The following VRK2 variants were observed in gnomAD, a reference collection of about 807,000 sequenced individuals.
VRK2 encodes the protein serine/threonine-protein kinase VRK2.
VRK2 carries 60 observed loss-of-function variants against 57.6 expected under a neutral mutation model. The observed-to-expected ratio is 1.04, with a 90% CI of 0.85 to 1.29. The LOEUF is 1.29. Among genes scored for constraint, VRK2 ranks in the 50% most tolerant of loss-of-function variants. The pLI is 0.00. For synonymous variants in VRK2, 231 were observed against 199.2 expected (o/e 1.16, Z -1.35); for missense variants, 705 against 588.1 (o/e 1.20, Z -2.06).
At chr2:58,144,224 G>GT (rs1490028915) in intron 11 of VRK2, among the ~76,000 whole-genome samples, 1 of 151,876 alleles carries the variant, frequency 6.6e-6, no homozygotes, top group African/African-American at 2.4e-5. Flanking sequence ...GCATAGAACA[G>GT]TATTTGTCGG....
At chr2:58,121,094 T>G (rs909000803) in intron 7 of VRK2, among the ~76,000 whole-genome samples, 1 of 152,200 alleles carries the variant, frequency 6.6e-6, no homozygotes. Context: ...CCTGACTTCA[T>G]TTTACTACAC....
At chr2:58,087,739 A>G (rs1671830823) in intron 5 of VRK2, among the ~76,000 whole-genome samples, 1 of 152,238 alleles carries the variant, frequency 6.6e-6, no homozygotes, top group Admixed American at 6.5e-5. Flanking sequence ...CTGTAATCCC[A>G]GCACTTTGAG....
chr2:58,101,560 T>C (rs1365131465), intron 7 of VRK2, among the ~76,000 whole-genome samples: 1 of 151,730 alleles, frequency 6.6e-6, no homozygotes, highest in Non-Finnish European at 1.5e-5. Context: ...TTATTCTAAT[T>C]GTACTTAAGC....
At chr2:58,101,212 T>C (rs1673910439) in intron 7 of VRK2, among the ~76,000 whole-genome samples, 1 of 151,748 alleles carries the variant, frequency 6.6e-6, no homozygotes, top group Admixed American at 6.6e-5. Flanking sequence ...AGCTGTTACA[T>C]ATATAATTTT....
chr2:58,147,471 A>G (rs1162243422), intron 12 of VRK2, among the ~76,000 whole-genome samples: 4 of 151,940 alleles, frequency 2.6e-5, no homozygotes, highest in African/African-American at 9.7e-5. Context: ...CAAAACTTAG[A>G]GATTCTAAAA....
intron 7 of VRK2, among the ~76,000 whole-genome samples, chr2:58,108,139 T>G (rs953977465): frequency 6.6e-6 from 1 of 152,116 alleles, no homozygotes; most frequent in African/African-American, 2.4e-5. Context: ...TTACCAAATC[T>G]CTCCTTCCTC....
At chr2:58,083,592 G>A (rs758450519) in intron 2 of VRK2, among the ~76,000 whole-genome samples, 50 of 151,856 alleles carry the variant, frequency 3.3e-4, no homozygotes, top group Non-Finnish European at 3.2e-4. Flanking sequence ...GCTTGTTCTA[G>A]AATTTTGTCA....
rs1682169476 is a variant in VRK2 at position 58,146,537 on chromosome 2, G to T, written c.1182+63G>T. On this transcript the variant is annotated intron_variant, in intron 12 of 12. Transcript: ENST00000340157. ...TGTTACATTAGAATATGCCCTTTGG[G>T]AATAAAAACATCTTATTTTCTCCTG... 19 of 1,515,544 alleles carry T rather than the reference G, an allele frequency of 1.3e-5. No individual in the cohort carries two copies. Among genetic ancestry groups the T allele is most frequent in the East Asian group, 7.2e-5 (3 of 41,876 alleles). 93.9% of individuals were successfully genotyped at this position (1,515,544 alleles called of 1,614,324 possible). A position where few individuals can be genotyped will look rare whatever the true frequency, so the allele number is the denominator to read the frequency against.
intron 1 of VRK2, among the ~76,000 whole-genome samples, chr2:57,937,258 T>C (rs1218084145): frequency 1.3e-5 from 2 of 152,174 alleles, no homozygotes; most frequent in Non-Finnish European, 2.9e-5. Flanking sequence ...TTTTTTGAGT[T>C]CAGGGTCTTT....
intron 1 of VRK2, among the ~76,000 whole-genome samples, chr2:57,925,081 T>C (rs1041105000): frequency 6.6e-6 from 1 of 152,114 alleles, no homozygotes; most frequent in African/African-American, 2.4e-5. Flanking sequence ...TGATTAGTGA[T>C]CTTTTTAATG....
chr2:58,144,215 C>T (rs1681774128), intron 11 of VRK2, among the ~76,000 whole-genome samples: 1 of 151,734 alleles, frequency 6.6e-6, no homozygotes, highest in South Asian at 2.1e-4. Context: ...GAAAGCAGAG[C>T]ATAGAACAGT....
chr2:57,937,238 G>C (rs1192121612), intron 1 of VRK2, among the ~76,000 whole-genome samples: 1 of 152,050 alleles, frequency 6.6e-6, no homozygotes, highest in Non-Finnish European at 1.5e-5. Flanking sequence ...TGGGGACCTA[G>C]GATACCCCAT....
intron 2 of VRK2, among the ~76,000 whole-genome samples, chr2:58,068,741 C>T (rs374767170): frequency 6.7e-6 from 1 of 148,688 alleles, no homozygotes; most frequent in South Asian, 2.1e-4. Context: ...GGATCATTTT[C>T]CTTTGATCTA....
intron 1 of VRK2, among the ~76,000 whole-genome samples, chr2:57,997,530 G>T (rs773644557): frequency 6.6e-6 from 1 of 152,182 alleles, no homozygotes; most frequent in African/African-American, 2.4e-5. Context: ...AAACATAAGA[G>T]GGACAGGTAT....
At chr2:58,150,548 GT>G (rs1242417116) in intron 12 of VRK2, among the ~76,000 whole-genome samples, 18 of 90,618 alleles carry the variant, frequency 2.0e-4, no homozygotes, top group Middle Eastern at 6.5e-3. Flanking sequence ...ACCAGCTTTG[GT>G]TTTTTTTTTT....
intron 2 of VRK2, among the ~76,000 whole-genome samples, chr2:58,066,402 C>A (rs972393956): frequency 3.3e-5 from 5 of 152,084 alleles, no homozygotes; most frequent in Non-Finnish European, 7.4e-5. Context: ...TTGAAACATT[C>A]TTGCATTCCT....
At chr2:57,968,791 A>C (rs1671999972) in intron 1 of VRK2, among the ~76,000 whole-genome samples, 1 of 152,140 alleles carries the variant, frequency 6.6e-6, no homozygotes, top group South Asian at 2.1e-4. Flanking sequence ...ATAAGCCCAA[A>C]GCAATGTTGT....
Position 57,996,462 on chromosome 2 carries a change from T to C in VRK2, c.-438-29203T>C, listed in dbSNP as rs1214973731. Among the ~76,000 whole-genome samples the C allele has an allele frequency of 3.9e-5, 6 of 152,332 alleles. No homozygotes were observed. In the East Asian group the frequency reaches 1.2e-3, roughly 29 times the overall value. On this transcript the variant is annotated intron_variant, in intron 1 of 15. Coordinates refer to the VRK2 transcript ENST00000417641. ...CCAAGGGCTCCTCTAATGATTGCAC[T>C]TGTAAATTAGAAGGGAAATCTCTGT...
chr2:57,934,894 T>A (rs1373162671), intron 1 of VRK2, among the ~76,000 whole-genome samples: 1 of 152,248 alleles, frequency 6.6e-6, no homozygotes, highest in Non-Finnish European at 1.5e-5. Flanking sequence ...ATTACATTCT[T>A]TATCTCCAGA....
Sources: gnomAD v4.1 joint callset for allele counts (sites outside exome capture counted in the v4.1 genomes callset) on GRCh38, gnomAD v4.1.1 for gene constraint, MANE v1.5 for transcripts, NCBI Gene and HGNC (gene_info 2026-07-23, HGNC 2026-07-21) for gene names.